The following ELMO1 variants were observed in gnomAD, a reference collection of about 807,000 sequenced individuals.
ELMO1 encodes engulfment and cell motility 1.
Under a neutral mutation model 98.9 loss-of-function variants are expected in ELMO1, and 26 were observed. That is an observed-to-expected ratio of 0.26 (90% confidence interval 0.19 to 0.36). The LOEUF (loss-of-function observed/expected upper bound fraction) is 0.36. Ranked by LOEUF, ELMO1 falls within the 10% of genes least tolerant of loss-of-function variation. The probability of loss-of-function intolerance (pLI) is 1.00; values close to 1 mark genes in which losing one functional copy is unlikely to be tolerated. For synonymous variants in ELMO1, 346 were observed against 346.0 expected (o/e 1.00, Z 0.00); for missense variants, 627 against 935.2 (o/e 0.67, Z 4.30).
intron 4 of ELMO1, among the ~76,000 whole-genome samples, chr7:37,303,477 A>G (rs116471627): frequency 1.3e-3 from 197 of 152,326 alleles, no homozygotes; most frequent in Middle Eastern, 6.8e-3. Context: ...TTAGAAGTAT[A>G]AAAACATGAA....
chr7:37,396,576 C>T (rs1236618495), intron 1 of ELMO1, among the ~76,000 whole-genome samples: 1 of 152,166 alleles, frequency 6.6e-6, no homozygotes, highest in African/African-American at 2.4e-5. Flanking sequence ...ACACTGCTAT[C>T]ACACAGGAAT....
At chr7:36,914,096 G>C (rs1217242790) in intron 16 of ELMO1, among the ~76,000 whole-genome samples, 1 of 152,182 alleles carries the variant, frequency 6.6e-6, no homozygotes, top group Admixed American at 6.5e-5. Context: ...AAAGGAGAGC[G>C]TAAGGAAAGG....
At chr7:37,399,974 CA>C (rs1803456436) in intron 1 of ELMO1, among the ~76,000 whole-genome samples, 2 of 152,042 alleles carry the variant, frequency 1.3e-5, no homozygotes, top group Admixed American at 6.5e-5. Flanking sequence ...TGAAGAATGC[CA>C]GTTAATTTTA....
At chr7:37,127,038 C>A (rs1429717464) in intron 14 of ELMO1, among the ~76,000 whole-genome samples, 2 of 152,152 alleles carry the variant, frequency 1.3e-5, no homozygotes, top group African/African-American at 2.4e-5. Flanking sequence ...GATTAATGCA[C>A]AGTTTGCTTC....
At chr7:37,070,914 A>G (rs1441974561) in intron 15 of ELMO1, among the ~76,000 whole-genome samples, 4 of 152,170 alleles carry the variant, frequency 2.6e-5, no homozygotes, top group Non-Finnish European at 4.4e-5. Context: ...AGTTAACTCA[A>G]TGAGATTAGT....
At chr7:37,143,191 T>C (rs533448604) in intron 13 of ELMO1, among the ~76,000 whole-genome samples, 39 of 152,250 alleles carry the variant, frequency 2.6e-4, no homozygotes, top group African/African-American at 9.1e-4. Flanking sequence ...GCTGTCATTA[T>C]CCCCCAAAGG....
chr7:37,097,296 G>A (rs1008832129), intron 14 of ELMO1, among the ~76,000 whole-genome samples: 6 of 152,222 alleles, frequency 3.9e-5, no homozygotes, highest in African/African-American at 1.2e-4. Flanking sequence ...CCAGCACTGC[G>A]GGAGGCCGAG....
chr7:37,402,958 C>G (rs1803596829), intron 1 of ELMO1, among the ~76,000 whole-genome samples: 1 of 152,184 alleles, frequency 6.6e-6, no homozygotes, highest in Non-Finnish European at 1.5e-5. Flanking sequence ...TTTACCCAAA[C>G]AAGTTGAAAA....
chr7:36,872,068 G>T (rs150493688), intron 19 of ELMO1, among the ~76,000 whole-genome samples: 2 of 152,176 alleles, frequency 1.3e-5, no homozygotes, highest in South Asian at 2.1e-4. Flanking sequence ...TCTGGCCACA[G>T]AAAACTACAC....
chr7:37,348,677 A>G (rs748583590), intron 1 of ELMO1, among the ~76,000 whole-genome samples: 10 of 152,262 alleles, frequency 6.6e-5, no homozygotes, highest in Middle Eastern at 3.4e-3. Flanking sequence ...GGCATTTTGA[A>G]GACGACAGAC....
At chr7:37,364,063 C>T (rs567197154) in intron 1 of ELMO1, among the ~76,000 whole-genome samples, 14 of 152,168 alleles carry the variant, frequency 9.2e-5, no homozygotes, top group African/African-American at 2.9e-4. Flanking sequence ...GGGCCTTAGG[C>T]CTCTCTGACA....
At chr7:37,359,348 T>C (rs1801611963) in intron 1 of ELMO1, among the ~76,000 whole-genome samples, 1 of 152,238 alleles carries the variant, frequency 6.6e-6, no homozygotes, top group Non-Finnish European at 1.5e-5. Context: ...CACTACCTCC[T>C]AGCCTTGTGG....
At chr7:37,189,612 C>T (rs1022041713) in intron 13 of ELMO1, among the ~76,000 whole-genome samples, 42 of 152,184 alleles carry the variant, frequency 2.8e-4, no homozygotes, top group Non-Finnish European at 5.3e-4. Flanking sequence ...GACATGAGTT[C>T]TAACTCTCTC....
rs574354600 is a variant in ELMO1, at chr7:37,039,892, A to G, written c.1301-26457T>C. On this transcript the variant is annotated intron_variant, in intron 15 of 21. Coordinates refer to ENST00000310758, the MANE Select transcript of ELMO1 (RefSeq NM_014800.11). ...GAATAATTAAAAAGTGCAAAGATGT[A>G]AACTTCTTAAATTTTACTCAGATTT... 2.0e-5 allele frequency among the ~76,000 whole-genome samples: 3 copies of G among 152,346 alleles called. No homozygotes were observed. The South Asian group carries it at 6.2e-4, about 32-fold the overall frequency.
chr7:37,377,477 G>A (rs1373907402), intron 1 of ELMO1, among the ~76,000 whole-genome samples: 1 of 152,032 alleles, frequency 6.6e-6, no homozygotes. Context: ...GGGTAGAATG[G>A]GGAATACCAC....
At chr7:36,874,711 C>T (rs2129042862) in intron 19 of ELMO1, among the ~76,000 whole-genome samples, 1 of 152,214 alleles carries the variant, frequency 6.6e-6, no homozygotes, top group Non-Finnish European at 1.5e-5. Flanking sequence ...GGAATGCTGG[C>T]CTAGATTCTT....
intron 2 of ELMO1, among the ~76,000 whole-genome samples, chr7:37,332,900 T>G (rs975286879): frequency 1.3e-5 from 2 of 152,142 alleles, no homozygotes; most frequent in African/African-American, 4.8e-5. Flanking sequence ...GCTGTTATGC[T>G]ACTGAAGCCA....
chr7:36,938,024 G>A lies in ELMO1; in HGVS notation c.1438-43007C>T, dbSNP rs74457078. ...TACAGTAGGAGTCCTCTTAAAAGAC[G>A]GCCACCATAACAGACTTGCCAGTTT... On this transcript the variant is annotated intron_variant, in intron 16 of 21. Transcript: ENST00000310758. Among the ~76,000 whole-genome samples, 1,408 of 152,170 alleles carry A rather than the reference G, an allele frequency of 9.3e-3. 28 individuals are homozygous for A. The highest frequency in any genetic ancestry group is 0.032 in the African/African-American group (1,321 of 41,510).
intron 15 of ELMO1, among the ~76,000 whole-genome samples, chr7:37,093,148 C>A (rs1784209198): frequency 6.6e-6 from 1 of 151,188 alleles, no homozygotes; most frequent in South Asian, 2.1e-4. Context: ...CTTGCAATGT[C>A]AATAATTGGG....
Sources: allele counts gnomAD v4.1 joint callset (sites outside exome capture counted in the v4.1 genomes callset), GRCh38; gene constraint gnomAD v4.1.1; transcripts MANE v1.5; gene names NCBI Gene and HGNC (gene_info 2026-07-23, HGNC 2026-07-21).